HDAC5: variants seen among roughly 807,000 people sequenced by gnomAD.
HDAC5 encodes the protein histone deacetylase 5, also known as antigen NY-CO-9.
In HDAC5, 25 loss-of-function variants were observed where a neutral mutation model predicts 133.3. The ratio of observed to expected loss-of-function variants is 0.19; its 90% confidence interval spans 0.14 to 0.26. The LOEUF (loss-of-function observed/expected upper bound fraction) is 0.26. HDAC5 is among the 10% of genes least tolerant of loss of function. HDAC5 has a pLI of 1.00. For missense variants in HDAC5, 1,041 were observed against 1,460.5 expected (o/e 0.71, Z 4.68); for synonymous variants, 589 against 610.8 (o/e 0.96, Z 0.53).
intron 3 of HDAC5, among the ~76,000 whole-genome samples, chr17:44,100,847 G>A (rs1028568774): frequency 1.3e-5 from 2 of 149,824 alleles, no homozygotes; most frequent in Non-Finnish European, 3.0e-5. Context: ...GGAGTGCAGT[G>A]GCGTGATCTC....
chr17:44,099,899 T>C (rs1236230951), intron 3 of HDAC5, among the ~76,000 whole-genome samples: 1 of 152,184 alleles, frequency 6.6e-6, no homozygotes, highest in African/African-American at 2.4e-5. Context: ...TGACACTTCT[T>C]TCCCATCCCG....
intron 12 of HDAC5, 139 bp from the exon 13 acceptor site, chr17:44,087,835 T>C: frequency 9.4e-7 from 1 of 1,061,408 alleles, no homozygotes; most frequent in Non-Finnish European, 1.3e-6. Context: ...GTGAGGTAGC[T>C]CCTCTGAGAG....
At chr17:44,114,690 C>A (rs2052550534) in intron 2 of HDAC5, among the ~76,000 whole-genome samples, 1 of 152,190 alleles carries the variant, frequency 6.6e-6, no homozygotes, top group African/African-American at 2.4e-5. Flanking sequence ...GGTCCCAGGC[C>A]CCTGGGCAGC....
chr17:44,089,290 G>T (rs2050815645), intron 11 of HDAC5, among the ~76,000 whole-genome samples: 1 of 152,176 alleles, frequency 6.6e-6, no homozygotes, highest in Non-Finnish European at 1.5e-5. Context: ...AAGGCAGGGG[G>T]ATGGCTTGAG....
intron 3 of HDAC5, among the ~76,000 whole-genome samples, chr17:44,106,965 T>G (rs2051994693): frequency 6.6e-6 from 1 of 151,880 alleles, no homozygotes. Flanking sequence ...TCCCTTTTTT[T>G]AAGAGATAGG....
At chr17:44,120,971 A>C (rs571086340) in intron 1 of HDAC5, among the ~76,000 whole-genome samples, 56 of 152,058 alleles carry the variant, frequency 3.7e-4, no homozygotes, top group African/African-American at 1.2e-3. Flanking sequence ...GGAAAGGGGG[A>C]GGGTGACAGG....
In HDAC5 at chr17:44,078,210, A is replaced by G. The variant is rs774420561; in HGVS notation, c.*166T>C. Reference sequence around the variant, plus strand: ...CAGAGGGAGCAGGCTTCTAGAGCTGAGGTGGAAGCCACAGGGCTGGGGGCC... The same window carrying G: ...CAGAGGGAGCAGGCTTCTAGAGCTGGGGTGGAAGCCACAGGGCTGGGGGCC... On this transcript the variant is annotated 3_prime_UTR_variant, in exon 27 of 27. Coordinates refer to ENST00000682912, the MANE Select transcript of HDAC5 (RefSeq NM_005474.5). The G allele has an allele frequency of 1.6e-6, 1 of 609,624 alleles. No individual in the cohort carries two copies. The highest frequency in any genetic ancestry group is 2.7e-6 in the Non-Finnish European group (1 of 373,338). 37.8% of individuals were successfully genotyped at this position (609,624 alleles called of 1,614,324 possible). A position where few individuals can be genotyped will look rare whatever the true frequency, so the allele number is the denominator to read the frequency against.
chr17:44,094,398 G>C (rs4793076), intron 3 of HDAC5, among the ~76,000 whole-genome samples: 92,895 of 151,842 alleles, frequency 0.61, 32,108 homozygotes, highest in South Asian at 0.88. Flanking sequence ...AGCACTTTGG[G>C]AGGCTGAGGC....
At chr17:44,089,022 T>G (rs770201546) in intron 11 of HDAC5, among the ~76,000 whole-genome samples, 4 of 151,922 alleles carry the variant, frequency 2.6e-5, no homozygotes, top group Non-Finnish European at 5.9e-5. Context: ...AAGCAGAACC[T>G]CTTCTGGTGC....
Position 44,083,932 on chromosome 17 carries a change from T to C in HDAC5, c.2306-78A>G, listed in dbSNP as rs539243540. 288 of 1,123,738 alleles carry C rather than the reference T, an allele frequency of 2.6e-4. 1 individual carries two copies. In the African/African-American group the frequency reaches 3.4e-3, roughly 13 times the overall value. 69.6% of individuals were successfully genotyped at this position (1,123,738 alleles called of 1,614,324 possible). On this transcript the variant is annotated intron_variant, in intron 16 of 26. Transcript: ENST00000682912. ...TGAGGTCAGGAGTTCGAGACCAGCCTGGACAACATGATGAAACCCCATCTC... is the reference window on the plus strand; with the variant it reads ...TGAGGTCAGGAGTTCGAGACCAGCCCGGACAACATGATGAAACCCCATCTC...
intron 3 of HDAC5, among the ~76,000 whole-genome samples, chr17:44,106,307 C>T (rs1178660861): frequency 6.6e-6 from 1 of 152,184 alleles, no homozygotes; most frequent in African/African-American, 2.4e-5. Flanking sequence ...AGATCACAGA[C>T]CAAGTGGTCC....
At chr17:44,087,054 C>T (rs973870663) in intron 13 of HDAC5, among the ~76,000 whole-genome samples, 1 of 151,620 alleles carries the variant, frequency 6.6e-6, no homozygotes, top group Non-Finnish European at 1.5e-5. Flanking sequence ...GAATGGAGTG[C>T]CAGCTAGGCG....
In HDAC5 at chr17:44,085,042, C is replaced by G. The variant is rs894358295; in HGVS notation, c.2164G>C (p.Gly722Arg). 1 of 1,592,214 alleles carries G rather than the reference C, an allele frequency of 6.3e-7. No individual in the cohort carries two copies. Among genetic ancestry groups the G allele is most frequent in the Non-Finnish European group, 8.6e-7 (1 of 1,161,958 alleles). ...QSIWSRLQETGLLSKCERIRG... is the reference protein window; with the variant it reads ...QSIWSRLQETRLLSKCERIRG... Reference sequence around the variant, plus strand: ...CTTACCTCGCACTTGCTAAGCAGGCCTGTCTCCTGCAGCCGGGACCAGATG... The same window carrying G: ...CTTACCTCGCACTTGCTAAGCAGGCGTGTCTCCTGCAGCCGGGACCAGATG... Residue 722 changes from glycine to arginine, a missense_variant, in exon 15 of 27, where the codon GGC becomes CGC. By Grantham distance (125) the Gly-to-Arg change is moderately radical. This residue lies in a region of HDAC5 where 42 missense variants were observed against 101.7 expected (regional missense o/e 0.41). Coordinates refer to ENST00000682912, the MANE Select transcript of HDAC5 (RefSeq NM_005474.5).
In HDAC5 at chr17:44,088,497, G is replaced by T. The variant is rs1452146172; in HGVS notation, c.1489C>A (p.Gln497Lys). The T allele has an allele frequency of 5.0e-6, 8 of 1,612,752 alleles. No homozygotes were observed. The highest frequency in any genetic ancestry group is 6.8e-6 in the Non-Finnish European group (8 of 1,179,778). ...LPRHRPLSRT[Q>K]SSPLPQSPQA... ...GGACTCTGCGGCAGCGGTGAGGACT[G>T]AGTGCGGCTCAGGGGCCGATGCCGC... The change falls in exon 12 of 27, where the codon CAG becomes AAG. Residue 497 changes from glutamine to lysine, a missense_variant. Gln to Lys is a moderately conservative substitution (Grantham distance 53). This residue lies in a region of HDAC5 where 433 missense variants were observed against 531.6 expected (regional missense o/e 0.81). Coordinates refer to ENST00000682912, the MANE Select transcript of HDAC5 (RefSeq NM_005474.5).
At chr17:44,101,407 T>A (rs2051598144) in intron 3 of HDAC5, among the ~76,000 whole-genome samples, 1 of 44,672 alleles carries the variant, frequency 2.2e-5, no homozygotes, top group Non-Finnish European at 4.1e-5. Flanking sequence ...CAAGACTCCG[T>A]CTCAAAAAAA....
At position 44,092,298 on chromosome 17, in the gene HDAC5, G is replaced by C. The variant is rs2050990825; in HGVS notation, c.920-14C>G. The C allele has an allele frequency of 1.2e-6, 2 of 1,613,760 alleles. No homozygotes were observed. Among genetic ancestry groups the C allele is most frequent in the East Asian group, 4.5e-5 (2 of 44,864 alleles). On this transcript the variant is annotated splice_polypyrimidine_tract_variant and intron_variant, in intron 8 of 26. Coordinates refer to ENST00000682912, the MANE Select transcript of HDAC5 (RefSeq NM_005474.5). ...ACACGGACGACGCTATAGGAGAAGTGGCTGTCACCTGGGCCTGCTGTGAAC... is the reference window on the plus strand; with the variant it reads ...ACACGGACGACGCTATAGGAGAAGTCGCTGTCACCTGGGCCTGCTGTGAAC...
chr17:44,099,788 T>C (rs1288812256), intron 3 of HDAC5, among the ~76,000 whole-genome samples: 1 of 152,176 alleles, frequency 6.6e-6, no homozygotes, highest in Non-Finnish European at 1.5e-5. Flanking sequence ...GGCTGTGTGT[T>C]TCTAGCCATG....
chr17:44,094,336 A>C (rs1351934267), intron 3 of HDAC5, among the ~76,000 whole-genome samples: 1 of 151,126 alleles, frequency 6.6e-6, no homozygotes, highest in Non-Finnish European at 1.5e-5. Context: ...AAAAAAAAAA[A>C]CAAAAAACAA....
chr17:44,110,667 G>A, intron 3 of HDAC5, 62 bp downstream of exon 3: 2 of 1,345,842 alleles, frequency 1.5e-6, no homozygotes, highest in Non-Finnish European at 2.1e-6. Context: ...AGGGCCAGAT[G>A]CTCAGCCCAG....
Sources: allele counts gnomAD v4.1 joint callset (sites outside exome capture counted in the v4.1 genomes callset), GRCh38; gene constraint gnomAD v4.1.1; regional missense constraint gnomAD v4.1.1; transcripts MANE v1.5; gene names NCBI Gene and HGNC (gene_info 2026-07-23, HGNC 2026-07-21).